PCCA: variants seen among roughly 807,000 people sequenced by gnomAD.
PCCA encodes propionyl-CoA carboxylase subunit alpha, also known as propionyl-CoA carboxylase alpha chain, mitochondrial.
A neutral mutation model predicts 101.3 loss-of-function variants in PCCA; 74 were observed. That is an observed-to-expected ratio of 0.73 (90% CI 0.61 to 0.89). PCCA has a LOEUF of 0.89. Among genes scored for constraint, PCCA ranks in the 40% least tolerant of loss-of-function variants. The pLI is 0.00. For synonymous variants in PCCA, 294 were observed against 313.6 expected (o/e 0.94, Z 0.66); for missense variants, 891 against 907.0 (o/e 0.98, Z 0.23).
At chr13:100,346,523 G>A (rs1446608258) in intron 18 of PCCA, among the ~76,000 whole-genome samples, 2 of 152,172 alleles carry the variant, frequency 1.3e-5, no homozygotes, top group East Asian at 3.9e-4. Flanking sequence ...TTTTAAGATG[G>A]ACTCTGCTTC....
intron 6 of PCCA, among the ~76,000 whole-genome samples, chr13:100,198,029 AG>A (rs2058226878): frequency 6.6e-6 from 1 of 152,250 alleles, no homozygotes; most frequent in Non-Finnish European, 1.5e-5. Flanking sequence ...CCACATTTAC[AG>A]CACAGTGTAC....
chr13:100,492,948 C>T (rs2085010191), intron 21 of PCCA, among the ~76,000 whole-genome samples: 1 of 151,920 alleles, frequency 6.6e-6, no homozygotes, highest in Non-Finnish European at 1.5e-5. Flanking sequence ...CTCACATTCA[C>T]CATCCTTCAA....
intron 6 of PCCA, 51 bp downstream of exon 6, chr13:100,157,391 G>T: frequency 8.1e-7 from 1 of 1,231,340 alleles, no homozygotes. Flanking sequence ...AGAAAGCAGT[G>T]TGGTAGCATG....
At chr13:100,146,869 A>G (rs1233289364) in intron 4 of PCCA, among the ~76,000 whole-genome samples, 4 of 142,038 alleles carry the variant, frequency 2.8e-5, no homozygotes, top group East Asian at 1.9e-4. Flanking sequence ...GCAGATTGGC[A>G]TGTTTAGGGA....
chr13:100,460,313 C>A (rs530059459), intron 21 of PCCA, among the ~76,000 whole-genome samples: 1 of 152,160 alleles, frequency 6.6e-6, no homozygotes, highest in Non-Finnish European at 1.5e-5. Context: ...GCAGAAGTTA[C>A]CATTTTATTG....
intron 19 of PCCA, among the ~76,000 whole-genome samples, chr13:100,392,367 T>C (rs2076840225): frequency 6.6e-6 from 1 of 152,212 alleles, no homozygotes; most frequent in Non-Finnish European, 1.5e-5. Flanking sequence ...CTTAACAAAC[T>C]AGTTACATAA....
chr13:100,384,144 G>A (rs2076375011), intron 19 of PCCA, among the ~76,000 whole-genome samples: 1 of 151,872 alleles, frequency 6.6e-6, no homozygotes, highest in Non-Finnish European at 1.5e-5. Context: ...TCATGGCTCA[G>A]CTTCCCGAGT....
intron 11 of PCCA, among the ~76,000 whole-genome samples, chr13:100,269,587 T>C (rs2063171396): frequency 6.6e-6 from 1 of 152,176 alleles, no homozygotes; most frequent in Non-Finnish European, 1.5e-5. Context: ...CATTTGATGC[T>C]AGGTTGCTAT....
At position 100,374,220 on chromosome 13, in the gene PCCA, GAAGTATTTT is replaced by G. The variant is rs139939781; in HGVS notation, c.1746+5648_1746+5656del. 7.2e-5 allele frequency among the ~76,000 whole-genome samples: 11 copies of G among 152,286 alleles called. 1 individual carries two copies. The East Asian group carries it at 2.1e-3, about 29-fold the overall frequency. ...GTGAAGTGTTAATCGTAGGAGAAGT[GAAGTATTTT>G]ATGTATTTTAGGTCTTTATTCTGAT... On this transcript the variant is annotated intron_variant, in intron 19 of 23. Coordinates refer to ENST00000376285, the MANE Select transcript of PCCA (RefSeq NM_000282.4).
chr13:100,135,119 C>T (rs929540753), intron 4 of PCCA, among the ~76,000 whole-genome samples: 3 of 151,384 alleles, frequency 2.0e-5, no homozygotes, highest in African/African-American at 4.9e-5. Context: ...TTTGGCCAGG[C>T]GTGGTGGCTC....
chr13:100,362,932 G>A lies in PCCA; in HGVS notation c.1644-5540G>A, dbSNP rs139431050. Reference sequence around the variant, plus strand: ...TTTGAAGAGGTTCTCTGAAAATGCTGCTTTTATCTTTCTTCTGCAGTGATG... The same window carrying A: ...TTTGAAGAGGTTCTCTGAAAATGCTACTTTTATCTTTCTTCTGCAGTGATG... On this transcript the variant is annotated intron_variant, in intron 18 of 23. Transcript: ENST00000376285. Among the ~76,000 whole-genome samples, 913 of 152,278 alleles carry A rather than the reference G, an allele frequency of 6.0e-3. 6 individuals carry two copies. The highest frequency in any genetic ancestry group is 9.6e-3 in the Admixed American group (147 of 15,286).
chr13:100,273,162 C>G, intron 11 of PCCA, 34 bp from the exon 12 acceptor site: 1 of 1,581,482 alleles, frequency 6.3e-7, no homozygotes, highest in Non-Finnish European at 8.7e-7. Flanking sequence ...GATTTTTGTC[C>G]GAAATGTAGA....
chr13:100,200,257 T>A (rs547135201), intron 6 of PCCA, among the ~76,000 whole-genome samples: 1 of 152,254 alleles, frequency 6.6e-6, no homozygotes, highest in South Asian at 2.1e-4. Flanking sequence ...CCTGCCACCA[T>A]GCCTGGCTAA....
intron 18 of PCCA, among the ~76,000 whole-genome samples, chr13:100,349,327 A>G (rs887974007): frequency 6.6e-6 from 1 of 151,970 alleles, no homozygotes; most frequent in Non-Finnish European, 1.5e-5. Context: ...GGGTTTCTCC[A>G]TGTTGGTCAG....
At chr13:100,411,849 TC>T (rs1429843710) in intron 19 of PCCA, among the ~76,000 whole-genome samples, 3 of 152,272 alleles carry the variant, frequency 2.0e-5, no homozygotes, top group Non-Finnish European at 4.4e-5. Flanking sequence ...CTCCCAAAGG[TC>T]CTGTCTCCTC....
intron 4 of PCCA, among the ~76,000 whole-genome samples, chr13:100,138,223 T>G (rs764178719): frequency 2.6e-5 from 4 of 152,248 alleles, no homozygotes; most frequent in African/African-American, 4.8e-5. Flanking sequence ...TTTAAAAGTA[T>G]TCCTTTGAAA....
intron 18 of PCCA, among the ~76,000 whole-genome samples, chr13:100,345,579 G>A (rs1015398597): frequency 6.6e-6 from 1 of 152,228 alleles, no homozygotes; most frequent in Non-Finnish European, 1.5e-5. Context: ...GAAGCTGCAA[G>A]TGCTGATGTA....
At chr13:100,514,964 C>G (rs887611130) in intron 21 of PCCA, among the ~76,000 whole-genome samples, 12 of 152,310 alleles carry the variant, frequency 7.9e-5, no homozygotes, top group South Asian at 4.2e-4. Flanking sequence ...CTTACTGATA[C>G]GTAGTGCAGC....
At chr13:100,378,991 C>G (rs1328727044) in intron 19 of PCCA, among the ~76,000 whole-genome samples, 1 of 152,010 alleles carries the variant, frequency 6.6e-6, no homozygotes, top group Non-Finnish European at 1.5e-5. Flanking sequence ...TATTCCCTTG[C>G]TTTTTCATGT....
Sources: gnomAD v4.1 joint callset for allele counts (sites outside exome capture counted in the v4.1 genomes callset) on GRCh38, gnomAD v4.1.1 for gene constraint, MANE v1.5 for transcripts, NCBI Gene and HGNC (gene_info 2026-07-23, HGNC 2026-07-21) for gene names.